Variants in IDO2 observed in about 807,000 individuals in gnomAD.
The protein encoded by IDO2 is indoleamine 2,3-dioxygenase-like 1 protein.
IDO2 carries 46 observed loss-of-function variants against 45.1 expected under a neutral mutation model. The observed-to-expected ratio is 1.02, with a 90% CI of 0.80 to 1.30. The LOEUF is 1.30. Among genes scored for constraint, IDO2 ranks in the 50% most tolerant of loss-of-function variants. The probability of loss-of-function intolerance (pLI) is 0.00; values close to 1 mark genes in which losing one functional copy is unlikely to be tolerated. For missense variants in IDO2, 544 were observed against 491.8 expected, an observed-to-expected ratio of 1.11 and a Z score of -1.00; for synonymous variants, 218 against 184.9, an observed-to-expected ratio of 1.18 and a Z score of -1.45.
At chr8:39,949,049 T>C in intron 1 of IDO2, 100 bp from the exon 2 acceptor site, 1 of 1,472,430 alleles carries the variant, frequency 6.8e-7, no homozygotes, top group Non-Finnish European at 9.0e-7. Context: ...AGTTCTCTCC[T>C]GTGCCTGAGA....
At chr8:39,973,549 G>A (rs1356729253) in intron 3 of IDO2, among the ~76,000 whole-genome samples, 7 of 151,950 alleles carry the variant, frequency 4.6e-5, no homozygotes, top group African/African-American at 1.4e-4. Context: ...CAATGTGACT[G>A]TGAAATAAGA....
intron 2 of IDO2, among the ~76,000 whole-genome samples, chr8:39,952,277 C>T (rs867188990): frequency 1.3e-4 from 20 of 152,278 alleles, no homozygotes; most frequent in African/African-American, 3.6e-4. Flanking sequence ...ATCTTACTTT[C>T]GTTTAGTTGA....
intron 8 of IDO2, chr8:39,995,173 C>CT (rs1802014934): frequency 2.1e-5 from 3 of 142,662 alleles, no homozygotes; most frequent in African/African-American, 8.0e-5. Context: ...TCCTCCTCCT[C>CT]TTCTTCCTTC....
intron 9 of IDO2, among the ~76,000 whole-genome samples, chr8:40,011,923 C>G (rs549620930): frequency 1.3e-5 from 2 of 152,192 alleles, no homozygotes; most frequent in Non-Finnish European, 2.9e-5. Context: ...CTTTCCTCTT[C>G]CCACCATTCC....
intron 1 of IDO2, among the ~76,000 whole-genome samples, chr8:39,946,192 T>A (rs1355666785): frequency 6.6e-6 from 1 of 152,162 alleles, no homozygotes; most frequent in African/African-American, 2.4e-5. Context: ...GCTCATCTGA[T>A]CTTGTGGCCC....
intron 1 of IDO2, among the ~76,000 whole-genome samples, chr8:39,947,787 CTTT>C (rs34173446): frequency 9.5e-5 from 13 of 137,412 alleles, no homozygotes; most frequent in Non-Finnish European, 1.3e-4. Context: ...AGTGCTATTT[CTTT>C]TTTTTTTTTT....
chr8:40,009,086 C>T (rs888400614), intron 9 of IDO2, among the ~76,000 whole-genome samples: 2 of 152,152 alleles, frequency 1.3e-5, no homozygotes, highest in Non-Finnish European at 2.9e-5. Context: ...GCAATCTTGG[C>T]TCACTGCAAC....
intron 1 of IDO2, among the ~76,000 whole-genome samples, chr8:39,939,012 G>T (rs964038033): frequency 6.6e-6 from 1 of 152,168 alleles, no homozygotes; most frequent in Non-Finnish European, 1.5e-5. Flanking sequence ...CCAGCACTTT[G>T]GGAGGCTGAG....
intron 3 of IDO2, among the ~76,000 whole-genome samples, chr8:39,977,586 C>T (rs1808277992): frequency 6.6e-6 from 1 of 152,254 alleles, no homozygotes; most frequent in Non-Finnish European, 1.5e-5. Context: ...GAGGCTGAGG[C>T]AGGAGGATTG....
At chr8:39,959,898 G>A (rs963944342) in intron 2 of IDO2, among the ~76,000 whole-genome samples, 2 of 152,196 alleles carry the variant, frequency 1.3e-5, no homozygotes, top group African/African-American at 2.4e-5. Context: ...TTAGGAGCTT[G>A]AACCCAGGAG....
intron 1 of IDO2, among the ~76,000 whole-genome samples, chr8:39,947,298 A>G (rs1477449192): frequency 6.6e-6 from 1 of 152,148 alleles, no homozygotes; most frequent in Non-Finnish European, 1.5e-5. Flanking sequence ...ATAAATAGTA[A>G]CTTCTCTTAG....
intron 2 of IDO2, among the ~76,000 whole-genome samples, chr8:39,961,687 C>T (rs990633947): frequency 1.3e-5 from 2 of 152,178 alleles, no homozygotes; most frequent in East Asian, 3.8e-4. Flanking sequence ...CTTCTCAGCA[C>T]AGTCATATCT....
At position 39,988,052 on chromosome 8, in the gene IDO2, T is replaced by A. The variant is rs570938240; in HGVS notation, c.549+82T>A. ...CACTCAGTGCCTTTCCTGCAGTGGA[T>A]TTCTCAACACAAATGAACATAGACC... On this transcript the variant is annotated intron_variant, in intron 7 of 10. Coordinates refer to ENST00000502986, the Ensembl canonical transcript of IDO2. The A allele has an allele frequency of 8.3e-4, 642 of 773,374 alleles. 2 individuals carry two copies. Among genetic ancestry groups the A allele is most frequent in the Non-Finnish European group, 9.9e-4 (453 of 459,632 alleles). The allele number at this position is 773,374 out of a possible 1,614,324, so 47.9% of individuals were successfully genotyped here. A position where few individuals can be genotyped will look rare whatever the true frequency, so the allele number is the denominator to read the frequency against.
chr8:39,977,329 T>C (rs1477187242), intron 3 of IDO2, among the ~76,000 whole-genome samples: 1 of 152,238 alleles, frequency 6.6e-6, no homozygotes, highest in Non-Finnish European at 1.5e-5. Context: ...AGAGTGTCAA[T>C]AAATTTAAAA....
chr8:39,956,200 A>C (rs1238253290), intron 2 of IDO2, among the ~76,000 whole-genome samples: 2 of 151,958 alleles, frequency 1.3e-5, no homozygotes, highest in African/African-American at 4.8e-5. Flanking sequence ...CTGGGATTAC[A>C]GGCACGCACC....
In IDO2 at chr8:39,987,747, G is replaced by T; in HGVS notation, c.450-124G>T. ...ATGCCCATCCTCAGGGCTGTCTTACGGAGAGGAGAAAGTTGTGCAGTGATT... is the reference window on the plus strand; with the variant it reads ...ATGCCCATCCTCAGGGCTGTCTTACTGAGAGGAGAAAGTTGTGCAGTGATT... On this transcript the variant is annotated intron_variant, in intron 6 of 10. Transcript: ENST00000502986. 8 of 619,696 alleles carry T rather than the reference G, an allele frequency of 1.3e-5. No homozygotes were observed. In the South Asian group the frequency reaches 1.6e-4, roughly 13 times the overall value. 38.4% of individuals were successfully genotyped at this position (619,696 alleles called of 1,614,324 possible).
chr8:39,936,237 GA>G (rs1807547933), intron 1 of IDO2, among the ~76,000 whole-genome samples: 1 of 152,102 alleles, frequency 6.6e-6, no homozygotes, highest in Non-Finnish European at 1.5e-5. Context: ...GCATTTTGAT[GA>G]AAAAAATTAC....
chr8:39,957,401 C>T (rs1204998244), intron 2 of IDO2, among the ~76,000 whole-genome samples: 1 of 151,962 alleles, frequency 6.6e-6, no homozygotes, highest in East Asian at 1.9e-4. Context: ...CACATGAGGC[C>T]AGGAGTTTGA....
intron 1 of IDO2, among the ~76,000 whole-genome samples, chr8:39,943,521 A>T (rs1201614390): frequency 6.6e-6 from 1 of 152,032 alleles, no homozygotes; most frequent in Non-Finnish European, 1.5e-5. Context: ...GCAGATCGCG[A>T]GGTCAGGAGA....
Sources: gnomAD v4.1 joint callset for allele counts (sites outside exome capture counted in the v4.1 genomes callset) on GRCh38, gnomAD v4.1.1 for gene constraint, MANE v1.5 for transcripts, NCBI Gene and HGNC (gene_info 2026-07-23, HGNC 2026-07-21) for gene names.